The following CNTNAP2 variants were observed in gnomAD, a reference collection of about 807,000 sequenced individuals.
The protein encoded by CNTNAP2 is contactin associated protein 2.
Under a neutral mutation model 155.2 loss-of-function variants are expected in CNTNAP2, and 98 were observed. That is an observed-to-expected ratio of 0.63 (90% CI 0.54 to 0.75). CNTNAP2 has a LOEUF of 0.75. Ranked by LOEUF, CNTNAP2 falls within the 30% of genes least tolerant of loss-of-function variation. CNTNAP2 has a pLI of 0.00. For synonymous variants in CNTNAP2, 651 were observed against 631.2 expected (o/e 1.03, Z -0.47); for missense variants, 1,727 against 1,688.1 (o/e 1.02, Z -0.40).
chr7:146,884,478 G>C (rs1795617350), intron 3 of CNTNAP2, among the ~76,000 whole-genome samples: 1 of 152,252 alleles, frequency 6.6e-6, no homozygotes, highest in Middle Eastern at 3.4e-3. Flanking sequence ...AAACCTCCCA[G>C]TGCCATCTTA....
chr7:147,281,649 A>AT (rs1805037472), intron 8 of CNTNAP2, among the ~76,000 whole-genome samples: 1 of 151,796 alleles, frequency 6.6e-6, no homozygotes, highest in South Asian at 2.1e-4. Flanking sequence ...ATTCACATTT[A>AT]TTGGATATAT....
intron 1 of CNTNAP2, among the ~76,000 whole-genome samples, chr7:146,294,655 C>G (rs7796012): frequency 0.14 from 21,452 of 152,146 alleles, 3,911 homozygotes; most frequent in African/African-American, 0.42. Flanking sequence ...CTTTACTTTT[C>G]AGTTTACCAC....
chr7:148,019,725 G>C (rs577101135), intron 15 of CNTNAP2, among the ~76,000 whole-genome samples: 12 of 152,152 alleles, frequency 7.9e-5, no homozygotes, highest in African/African-American at 2.9e-4. Context: ...CCAAAGTGCT[G>C]GGGTTACAGG....
At chr7:147,987,762 T>C (rs1057221941) in intron 15 of CNTNAP2, among the ~76,000 whole-genome samples, 5 of 152,170 alleles carry the variant, frequency 3.3e-5, no homozygotes, top group Non-Finnish European at 7.3e-5. Context: ...TGGCATGACC[T>C]TGGCTCACTG....
intron 21 of CNTNAP2, among the ~76,000 whole-genome samples, chr7:148,333,191 G>A (rs749617379): frequency 6.6e-6 from 1 of 152,172 alleles, no homozygotes; most frequent in African/African-American, 2.4e-5. Context: ...ACTTTGGGAG[G>A]ACAAGGTAGG....
At chr7:147,505,382 T>C (rs774665313) in intron 11 of CNTNAP2, among the ~76,000 whole-genome samples, 3 of 149,094 alleles carry the variant, frequency 2.0e-5, no homozygotes, top group Non-Finnish European at 2.9e-5. Flanking sequence ...CACACACATA[T>C]ACAATGTGTG....
chr7:147,764,051 C>G (rs1797347609), intron 13 of CNTNAP2, among the ~76,000 whole-genome samples: 1 of 152,144 alleles, frequency 6.6e-6, no homozygotes, highest in Non-Finnish European at 1.5e-5. Flanking sequence ...GTGGCCGTAC[C>G]TTATACTTTA....
chr7:147,812,863 C>T lies in CNTNAP2; in HGVS notation c.2099-90702C>T, dbSNP rs974905131. Among the ~76,000 whole-genome samples, 2 of 152,152 alleles carry T rather than the reference C, an allele frequency of 1.3e-5. 1 individual carries two copies. Among genetic ancestry groups the T allele is most frequent in the South Asian group, 4.1e-4 (2 of 4,832 alleles). On this transcript the variant is annotated intron_variant, in intron 13 of 23. Coordinates refer to ENST00000361727, the MANE Select transcript of CNTNAP2 (RefSeq NM_014141.6). ...AATGAGCACATGATGGATCAAGGTG[C>T]TCTGCTGGTGTAGACTAACATATAT...
At chr7:147,886,198 C>T (rs897814458) in intron 13 of CNTNAP2, among the ~76,000 whole-genome samples, 20 of 152,092 alleles carry the variant, frequency 1.3e-4, no homozygotes, top group African/African-American at 4.3e-4. Context: ...TCTGGCTGGG[C>T]GCAGTGGCTC....
chr7:148,042,454 G>C (rs548344190), intron 15 of CNTNAP2, among the ~76,000 whole-genome samples: 2 of 152,068 alleles, frequency 1.3e-5, no homozygotes, highest in African/African-American at 4.8e-5. Flanking sequence ...TTAGCATCAC[G>C]GCCCCTTTTC....
intron 11 of CNTNAP2, among the ~76,000 whole-genome samples, chr7:147,530,186 C>CTT (rs35151574): frequency 0.17 from 23,827 of 136,288 alleles, 2,390 homozygotes; most frequent in Admixed American, 0.22. Context: ...GCAAAAGGCA[C>CTT]TTTTTTTTTT....
intron 1 of CNTNAP2, among the ~76,000 whole-genome samples, chr7:146,588,220 G>C (rs545722044): frequency 6.6e-6 from 1 of 152,070 alleles, no homozygotes; most frequent in Non-Finnish European, 1.5e-5. Flanking sequence ...ATGAGGTTAA[G>C]TATTCTGAAT....
intron 2 of CNTNAP2, among the ~76,000 whole-genome samples, chr7:146,803,107 G>T (rs1585097586): frequency 6.6e-6 from 1 of 152,082 alleles, no homozygotes; most frequent in East Asian, 1.9e-4. Flanking sequence ...AGAGCGGGAG[G>T]TAAAATATGT....
rs181516706 is a variant in CNTNAP2 at position 146,499,779 on chromosome 7, G to A, written c.98-274492G>A. On this transcript the variant is annotated intron_variant, in intron 1 of 23. Transcript: ENST00000361727. ...TTCTGCAAGAATAGCCACTGGTGTT[G>A]TATTGAAGCTGTATATCAATTTGAG... Among the ~76,000 whole-genome samples, 19 of 152,258 alleles carry A rather than the reference G, an allele frequency of 1.2e-4. No individual in the cohort carries two copies. In the East Asian group the frequency reaches 3.7e-3, roughly 29 times the overall value.
In CNTNAP2 at chr7:146,774,357, T is replaced by C; in HGVS notation, c.184T>C (p.Tyr62His). The C allele has an allele frequency of 6.2e-7, 1 of 1,613,946 alleles. No individual in the cohort carries two copies. Among genetic ancestry groups the C allele is most frequent in the Non-Finnish European group, 8.5e-7 (1 of 1,179,906 alleles). Residue 62 changes from tyrosine to histidine, a missense_variant, in exon 2 of 24, where the codon TAT (tyrosine) becomes CAT (histidine). Tyr to His is a moderately conservative substitution (Grantham distance 83). Coordinates refer to ENST00000361727, the MANE Select transcript of CNTNAP2 (RefSeq NM_014141.6). ...SSISGSYSPGYAKINKRGGAG... is the reference protein window; with the variant it reads ...SSISGSYSPGHAKINKRGGAG... Reference sequence around the variant, plus strand: ...CATCTCTGGTAGCTATTCTCCCGGCTATGCCAAGATAAACAAGAGAGGAGG... The same window carrying C: ...CATCTCTGGTAGCTATTCTCCCGGCCATGCCAAGATAAACAAGAGAGGAGG...
At chr7:146,289,079 C>T (rs1387816006) in intron 1 of CNTNAP2, among the ~76,000 whole-genome samples, 2 of 152,066 alleles carry the variant, frequency 1.3e-5, no homozygotes, top group African/African-American at 2.4e-5. Context: ...GCTGGGATGA[C>T]AGGCATGAGC....
At chr7:147,236,014 C>A (rs1803796236) in intron 8 of CNTNAP2, among the ~76,000 whole-genome samples, 1 of 152,196 alleles carries the variant, frequency 6.6e-6, no homozygotes, top group South Asian at 2.1e-4. Context: ...ATTTGACTCT[C>A]TTTTCCAACT....
chr7:147,229,161 A>G (rs903880647), intron 8 of CNTNAP2, among the ~76,000 whole-genome samples: 2 of 151,960 alleles, frequency 1.3e-5, no homozygotes, highest in Non-Finnish European at 2.9e-5. Context: ...CACAAAATTC[A>G]TTTTTTTCCT....
intron 1 of CNTNAP2, among the ~76,000 whole-genome samples, chr7:146,602,433 A>T (rs891329208): frequency 6.6e-6 from 1 of 152,200 alleles, no homozygotes; most frequent in African/African-American, 2.4e-5. Context: ...AGCAAAGGAA[A>T]GAACATGCAG....
Sources: gnomAD v4.1 joint callset for allele counts (sites outside exome capture counted in the v4.1 genomes callset) on GRCh38, gnomAD v4.1.1 for gene constraint, MANE v1.5 for transcripts, NCBI Gene and HGNC (gene_info 2026-07-23, HGNC 2026-07-21) for gene names.